Variants in RPGR observed in about 807,000 individuals in gnomAD.
RPGR encodes the protein X-linked retinitis pigmentosa GTPase regulator.
Under a neutral mutation model 56.3 loss-of-function variants are expected in RPGR, and 10 were observed. The ratio of observed to expected loss-of-function variants is 0.18; its 90% confidence interval spans 0.11 to 0.30. The LOEUF is 0.30. Ranked by LOEUF, RPGR falls within the 10% of genes least tolerant of loss-of-function variation. RPGR has a pLI of 1.00. For synonymous variants in RPGR, 197 were observed against 212.9 expected, an observed-to-expected ratio of 0.93 and a Z score of 0.65; for missense variants, 538 against 590.9, an observed-to-expected ratio of 0.91 and a Z score of 0.93.
At chrX:38,292,137 G>A (rs1398594578) in intron 11 of RPGR, among the ~76,000 whole-genome samples, 1 of 111,594 alleles carries the variant, frequency 9.0e-6, no homozygotes, top group Non-Finnish European at 1.9e-5. Context: ...TCCAGCCTCA[G>A]TCAAGCCTTC....
At chrX:38,289,340 C>A (rs1273621249) in intron 13 of RPGR, among the ~76,000 whole-genome samples, 1 of 111,678 alleles carries the variant, frequency 9.0e-6, no homozygotes, top group Non-Finnish European at 1.9e-5. Flanking sequence ...TGAAAGAACA[C>A]TAAGGAAAGA....
At position 38,270,331 on chromosome X, in the gene RPGR, T is replaced by C. The variant is rs971381545; in HGVS notation, c.2242-499A>G. On this transcript the variant is annotated intron_variant, in intron 18 of 18. Transcript: ENST00000642395. ...CTTCTGGCAAAAAAGTTAATGCTGCTTGGCCAGGCGCGGTAGCCCATGCCT... is the reference window on the plus strand; with the variant it reads ...CTTCTGGCAAAAAAGTTAATGCTGCCTGGCCAGGCGCGGTAGCCCATGCCT... Among the ~76,000 whole-genome samples, 5 of 108,669 alleles carry C rather than the reference T, an allele frequency of 4.6e-5. No individual in the cohort carries two copies. The South Asian group carries it at 2.0e-3, about 44-fold the overall frequency. The allele number at this position is 108,669 out of a possible 115,157, so 94.4% of individuals were successfully genotyped here.
chrX:38,273,508 TTAACTAATA>T, intron 17 of RPGR: 1 of 1,074,895 alleles, frequency 9.3e-7, no homozygotes, highest in Non-Finnish European at 1.3e-6. Flanking sequence ...AATACTAGTT[TTAACTAATA>T]GGAAAAAGAC....
intron 15 of RPGR, among the ~76,000 whole-genome samples, chrX:38,282,777 TCAGCAGCAGCAGCAG>T (rs749108562): frequency 1.9e-5 from 2 of 105,758 alleles, no homozygotes; most frequent in African/African-American, 3.5e-5. Context: ...CTGCTGCTGT[TCAGCAGCAGCAGCAG>T]CAGCAGCAGC....
chrX:38,275,914 G>A lies in RPGR; in HGVS notation c.2091+673C>T, dbSNP rs73471867. ...AGTACAACGTCATTCACTTTGGGTT[G>A]CGGAATTCCATACTTCTGAAGTTAA... On this transcript the variant is annotated intron_variant, in intron 16 of 18. Transcript: ENST00000642395. 7.6e-3 allele frequency among the ~76,000 whole-genome samples: 846 copies of A among 111,767 alleles called. 5 individuals carry two copies. Among genetic ancestry groups the A allele is most frequent in the African/African-American group, 0.026 (788 of 30,797 alleles).
chrX:38,288,143 T>A, intron 13 of RPGR, 102 bp from the exon 14 acceptor site: 1 of 758,344 alleles, frequency 1.3e-6, no homozygotes, highest in Non-Finnish European at 1.9e-6. Flanking sequence ...TTTTTATAAG[T>A]TTAGGAGAAT....
intron 6 of RPGR, among the ~76,000 whole-genome samples, chrX:38,316,633 T>C (rs1372406708): frequency 9.0e-6 from 1 of 111,165 alleles, no homozygotes; most frequent in African/African-American, 3.3e-5. Context: ...TCAATAATAT[T>C]TATTGATTAT....
chrX:38,309,649 G>A (rs779253185), intron 7 of RPGR, among the ~76,000 whole-genome samples: 2 of 112,000 alleles, frequency 1.8e-5, no homozygotes, highest in South Asian at 7.4e-4. Flanking sequence ...CCAACATGGC[G>A]AAACCCCATC....
chrX:38,323,122 A>G (rs2067979697), intron 2 of RPGR, among the ~76,000 whole-genome samples, 177 bp from the exon 3 acceptor site: 1 of 112,389 alleles, frequency 8.9e-6, no homozygotes, highest in African/African-American at 3.2e-5. Flanking sequence ...AAGAGTTTCT[A>G]AAATTATACG....
Position 38,269,387 on chromosome X carries a change from G to C in RPGR, c.*239C>G. The C allele has an allele frequency of 3.5e-6, 1 of 284,492 alleles. No individual in the cohort carries two copies. The highest frequency in any genetic ancestry group is 1.0e-3 in the Middle Eastern group (1 of 1,005). The allele number at this position is 284,492 out of a possible 1,213,427, so 23.4% of individuals were successfully genotyped here. A position where few individuals can be genotyped will look rare whatever the true frequency, so the allele number is the denominator to read the frequency against. ...AAAATATATTTTTTATTGCAATACT[G>C]AACAGTTAAGGCCACAACACTTTAG... On this transcript the variant is annotated 3_prime_UTR_variant, in exon 19 of 19. Transcript: ENST00000642395.
chrX:38,275,627 G>A (rs761154774), intron 16 of RPGR, among the ~76,000 whole-genome samples: 1 of 111,748 alleles, frequency 8.9e-6, no homozygotes, highest in East Asian at 2.8e-4. Flanking sequence ...GCAAAAGAAT[G>A]ACCTTTACCA....
At chrX:38,271,979 T>C (rs1405291451) in intron 18 of RPGR, among the ~76,000 whole-genome samples, 2 of 112,184 alleles carry the variant, frequency 1.8e-5, no homozygotes, top group Non-Finnish European at 3.8e-5. Context: ...AAAATACAAC[T>C]TCACTTAAAA....
chrX:38,270,475 T>A (rs1211603313), intron 18 of RPGR, among the ~76,000 whole-genome samples: 1 of 51,068 alleles, frequency 2.0e-5, no homozygotes, highest in African/African-American at 8.6e-5. Flanking sequence ...AAAAAAAAAT[T>A]AGCCGGGCGT....
chrX:38,287,194 T>C lies in RPGR; in HGVS notation c.1805A>G (p.Glu602Gly), dbSNP rs1360678111. The C allele has an allele frequency of 8.3e-7, 1 of 1,211,230 alleles. No homozygotes were observed. Among genetic ancestry groups the C allele is most frequent in the Non-Finnish European group, 1.1e-6 (1 of 895,424 alleles). The change falls in exon 15 of 19, where the codon GAG becomes GGG. Residue 602 changes from glutamate (E) to glycine (G), a missense_variant. This residue lies in a region of RPGR where 357 missense variants were observed against 325.8 expected (regional missense o/e 1.10). Transcript: ENST00000642395. Reference sequence around the variant, plus strand: ...CTCATTTGCTTCTACCTCTTGCTCCTCTATTCCATTTCCTTTTGAATCCTC... The same window carrying C: ...CTCATTTGCTTCTACCTCTTGCTCCCCTATTCCATTTCCTTTTGAATCCTC...
At chrX:38,308,276 T>G (rs776108443) in intron 7 of RPGR, 1 of 111,947 alleles carries the variant, frequency 8.9e-6, no homozygotes, top group East Asian at 2.8e-4. Flanking sequence ...GTGTGTGAGA[T>G]CCGTAAGCTT....
chrX:38,317,799 C>T (rs1417858820), intron 5 of RPGR: 2 of 175,779 alleles, frequency 1.1e-5, no homozygotes, highest in African/African-American at 3.1e-5. Context: ...CTCCTCCTTC[C>T]AAGCAGCCTA....
At chrX:38,305,746 AAAAAT>A (rs5902182) in intron 7 of RPGR, among the ~76,000 whole-genome samples, 39,072 of 85,182 alleles carry the variant, frequency 0.46, 9,001 homozygotes, top group Non-Finnish European at 0.59. Context: ...ACTCCATCTC[AAAAAT>A]AAAATAAAAT....
At chrX:38,300,468 A>G (rs1210350868) in intron 9 of RPGR, among the ~76,000 whole-genome samples, 1 of 112,058 alleles carries the variant, frequency 8.9e-6, no homozygotes, top group African/African-American at 3.2e-5. Flanking sequence ...CGTGATGGTG[A>G]CGTGACACTG....
intron 1 of RPGR, 128 bp downstream of exon 1, chrX:38,327,212 G>T: frequency 1.5e-6 from 1 of 665,735 alleles, no homozygotes; most frequent in Non-Finnish European, 2.2e-6. Context: ...AGCGCAACCA[G>T]CGATCCCGCC....
Sources: allele counts gnomAD v4.1 joint callset (sites outside exome capture counted in the v4.1 genomes callset), GRCh38; gene constraint gnomAD v4.1.1; regional missense constraint gnomAD v4.1.1; transcripts MANE v1.5; gene names NCBI Gene and HGNC (gene_info 2026-07-23, HGNC 2026-07-21).